Variants in CORO7 observed in about 807,000 individuals in gnomAD.
CORO7 encodes coronin 7.
Under a neutral mutation model 126.6 loss-of-function variants are expected in CORO7, and 107 were observed. That is an observed-to-expected ratio of 0.85 (90% CI 0.72 to 0.99). The LOEUF is 0.99. CORO7 is among the 50% of genes least tolerant of loss of function. The pLI, the probability that CORO7 is intolerant of heterozygous loss-of-function variation, is 0.00. For missense variants in CORO7, 1,314 were observed against 1,255.8 expected, an observed-to-expected ratio of 1.05 and a Z score of -0.70; for synonymous variants, 603 against 536.8, an observed-to-expected ratio of 1.12 and a Z score of -1.70.
chr16:4,362,698 G>A lies in CORO7; in HGVS notation c.1316C>T (p.Ser439Phe), dbSNP rs1276885228. 6.8e-7 allele frequency: 1 copy of A among 1,469,154 alleles called. No homozygotes were observed. Among genetic ancestry groups the A allele is most frequent in the East Asian group, 2.7e-5 (1 of 37,728 alleles). The allele number at this position is 1,469,154 out of a possible 1,614,324, so 91.0% of individuals were successfully genotyped here. ...SSPPSSLTSP[S>F]TPSSLGPSLS... ...TGAGGGCCCCAGGCTGGAGGGCGTGGAGGGCGAGGTCAGCGAACTGGGAGG... is the reference window on the plus strand; with the variant it reads ...TGAGGGCCCCAGGCTGGAGGGCGTGAAGGGCGAGGTCAGCGAACTGGGAGG... The change falls in exon 15 of 28, where the codon TCC becomes TTC. Residue 439 changes from serine to phenylalanine, a missense_variant. By Grantham distance (155) the Ser-to-Phe change is radical. Transcript: ENST00000251166. The surrounding 1 kb of genome is among the most constrained non-coding windows in gnomAD (Gnocchi z 5.3).
chr16:4,391,945 G>T (rs558896723), intron 7 of CORO7, among the ~76,000 whole-genome samples: 1 of 152,172 alleles, frequency 6.6e-6, no homozygotes, highest in Non-Finnish European at 1.5e-5. Context: ...GCGCGTGCCC[G>T]CCCCTTCATC....
chr16:4,355,951 TTTTA>T (rs1212068040), intron 26 of CORO7, among the ~76,000 whole-genome samples: 37 of 151,752 alleles, frequency 2.4e-4, no homozygotes, highest in African/African-American at 6.8e-4. Context: ...TTAATTTTTA[TTTTA>T]TTTATTTATT....
rs748028286 is a variant in CORO7, at chr16:4,382,153, C to T, written c.785+5833G>A. 1 of 1,592,058 alleles carries T rather than the reference C, an allele frequency of 6.3e-7. No individual in the cohort carries two copies. The highest frequency in any genetic ancestry group is 8.5e-7 in the Non-Finnish European group (1 of 1,170,432). ...GGGCACATGCCACCTGGGGACACGG[C>T]ACCACCTGGCGTGCTTGTGCCCCGA... On this transcript the variant is annotated intron_variant, in intron 9 of 27. Coordinates refer to ENST00000251166, the MANE Select transcript of CORO7 (RefSeq NM_024535.5).
rs112578905 is a variant in CORO7 at position 4,374,086 on chromosome 16, C to CGTGTGTGTGTGTGTGTGTGTGTGT, written c.786-8542_786-8541insACACACACACACACACACACACAC. Among the ~76,000 whole-genome samples the CGTGTGTGTGTGTGTGTGTGTGTGT allele has an allele frequency of 1.3e-3, 188 of 148,766 alleles. 1 individual carries two copies. Among genetic ancestry groups the CGTGTGTGTGTGTGTGTGTGTGTGT allele is most frequent in the African/African-American group, 4.5e-3 (181 of 40,562 alleles). The stretch of plus-strand genomic sequence containing the variant: ...GTTCTTGGAGAAGGGGGAGGGTGCA[C>CGTGTGTGTGTGTGTGTGTGTGTGT]GTGTGTGTGTGTGTGTGTGTCTGCA... On this transcript the variant is annotated intron_variant, in intron 9 of 27. Coordinates refer to ENST00000251166, the MANE Select transcript of CORO7 (RefSeq NM_024535.5).
At chr16:4,413,645 C>T (rs2056298071) in intron 1 of CORO7, among the ~76,000 whole-genome samples, 1 of 152,042 alleles carries the variant, frequency 6.6e-6, no homozygotes, top group Admixed American at 6.5e-5. Flanking sequence ...TCAAGTGATC[C>T]TCCTGCCTCA....
intron 9 of CORO7, chr16:4,382,774 C>T (rs1387733869): frequency 5.1e-6 from 8 of 1,571,528 alleles, no homozygotes; most frequent in East Asian, 2.4e-5. Flanking sequence ...CCCCTTGGAG[C>T]CAGGCCCGAA....
intron 7 of CORO7, among the ~76,000 whole-genome samples, 153 bp downstream of exon 7, chr16:4,395,136 C>A (rs1334243727): frequency 6.6e-6 from 1 of 152,178 alleles, no homozygotes; most frequent in African/African-American, 2.4e-5. Context: ...GGAAGAGCTC[C>A]CAGCAGTGGT....
intron 9 of CORO7, among the ~76,000 whole-genome samples, chr16:4,374,550 G>T (rs749930403): frequency 2.1e-4 from 32 of 152,182 alleles, no homozygotes; most frequent in African/African-American, 7.5e-4. Context: ...GGCCTACACC[G>T]GGAAGGGGCT....
At chr16:4,385,856 C>A (rs2055177000) in intron 9 of CORO7, among the ~76,000 whole-genome samples, 1 of 152,268 alleles carries the variant, frequency 6.6e-6, no homozygotes, top group Non-Finnish European at 1.5e-5. Context: ...AGGGCACACA[C>A]TGTTCTGCCC....
intron 6 of CORO7, 90 bp downstream of exon 6, chr16:4,405,401 A>G (rs2055960466): frequency 1.4e-6 from 2 of 1,448,226 alleles, no homozygotes; most frequent in Non-Finnish European, 1.8e-6. Flanking sequence ...ACTGCCTCCT[A>G]AACAACAAGC....
intron 1 of CORO7, among the ~76,000 whole-genome samples, chr16:4,414,703 C>A (rs752924870): frequency 2.0e-5 from 3 of 152,146 alleles, no homozygotes; most frequent in Non-Finnish European, 2.9e-5. Flanking sequence ...TCTGTAGTTC[C>A]ATGCCTATCT....
chr16:4,392,022 G>A (rs1198018145), intron 7 of CORO7, among the ~76,000 whole-genome samples: 3 of 152,158 alleles, frequency 2.0e-5, no homozygotes, highest in Admixed American at 6.5e-5. Flanking sequence ...TTGCTGGGGT[G>A]AGGGGACCTG....
intron 3 of CORO7, 57 bp downstream of exon 3, chr16:4,412,299 C>G (rs896687312): frequency 6.3e-7 from 1 of 1,591,198 alleles, no homozygotes; most frequent in Non-Finnish European, 8.6e-7. Context: ...GAATTTCTGG[C>G]CCTGGAGAGG....
intron 9 of CORO7, among the ~76,000 whole-genome samples, chr16:4,371,178 C>A (rs1197562766): frequency 1.3e-5 from 2 of 152,208 alleles, no homozygotes; most frequent in African/African-American, 4.8e-5. Context: ...CCACTGCCCT[C>A]CCTGACACAG....
At chr16:4,381,436 G>A (rs770990773) in intron 9 of CORO7, 23 of 1,579,668 alleles carry the variant, frequency 1.5e-5, no homozygotes, top group East Asian at 4.7e-5. Context: ...CCTGGAGCCC[G>A]GCATCCTGGA....
intron 9 of CORO7, chr16:4,381,155 G>A (rs1449600726): frequency 6.2e-7 from 1 of 1,611,124 alleles, no homozygotes; most frequent in East Asian, 2.2e-5. Flanking sequence ...AGCCTGCCCA[G>A]CGGGGTCTTC....
intron 7 of CORO7, among the ~76,000 whole-genome samples, chr16:4,393,808 T>C (rs1405599637): frequency 6.6e-6 from 1 of 152,174 alleles, no homozygotes; most frequent in Non-Finnish European, 1.5e-5. Flanking sequence ...TTTTTAGAAA[T>C]GTAAATCCAT....
At position 4,354,941 on chromosome 16, in the gene CORO7, G is replaced by T; in HGVS notation, c.*217C>A. Reference sequence around the variant, plus strand: ...ACCCCTGGCCACATGCTAGCGGGCAGCTGATGAGCAGCAGCTGACCCCAGA... The same window carrying T: ...ACCCCTGGCCACATGCTAGCGGGCATCTGATGAGCAGCAGCTGACCCCAGA... On this transcript the variant is annotated 3_prime_UTR_variant, in exon 28 of 28. Transcript: ENST00000251166. The T allele has an allele frequency of 2.0e-6, 1 of 492,076 alleles. No individual in the cohort carries two copies. Among genetic ancestry groups the T allele is most frequent in the Non-Finnish European group, 3.5e-6 (1 of 286,012 alleles). 30.5% of individuals were successfully genotyped at this position (492,076 alleles called of 1,614,324 possible). A position where few individuals can be genotyped will look rare whatever the true frequency, so the allele number is the denominator to read the frequency against.
chr16:4,416,582 T>G lies in CORO7; in HGVS notation c.-64A>C. ...CGGGCGTCGGGTCTCAGGTGCACGC[T>G]GAGCAACCGCGACTCCCGCTGCCTC... On this transcript the variant is annotated 5_prime_UTR_variant, in exon 1 of 28. Coordinates refer to ENST00000251166, the MANE Select transcript of CORO7 (RefSeq NM_024535.5). The G allele has an allele frequency of 6.5e-7, 1 of 1,545,240 alleles. No individual in the cohort carries two copies. Among genetic ancestry groups the G allele is most frequent in the Non-Finnish European group, 8.7e-7 (1 of 1,152,600 alleles).
Sources: gnomAD v4.1 joint callset for allele counts (sites outside exome capture counted in the v4.1 genomes callset) on GRCh38, gnomAD v4.1.1 for gene constraint, Gnocchi (gnomAD v3.1) non-coding constraint, MANE v1.5 for transcripts, NCBI Gene and HGNC (gene_info 2026-07-23, HGNC 2026-07-21) for gene names.